The following KRI1 variants were observed in gnomAD, a reference collection of about 807,000 sequenced individuals.
KRI1 encodes the protein KRI1 homolog, also known as protein KRI1 homolog.
A neutral mutation model predicts 97.0 loss-of-function variants in KRI1; 83 were observed. That is an observed-to-expected ratio of 0.86 (90% CI 0.72 to 1.03). The LOEUF (loss-of-function observed/expected upper bound fraction) is 1.03. Ranked by LOEUF, KRI1 falls within the 50% of genes least tolerant of loss-of-function variation. The probability of loss-of-function intolerance (pLI) is 0.00; values close to 1 mark genes in which losing one functional copy is unlikely to be tolerated. For synonymous variants in KRI1, 371 were observed against 363.5 expected, an observed-to-expected ratio of 1.02 and a Z score of -0.23; for missense variants, 916 against 928.4, an observed-to-expected ratio of 0.99 and a Z score of 0.17.
chr19:10,564,865 T>C (rs1916812212), intron 3 of KRI1, 64 bp downstream of exon 3: 2 of 1,022,046 alleles, frequency 2.0e-6, no homozygotes, highest in Non-Finnish European at 3.1e-6. Context: ...GAATCCACAG[T>C]CAGGAAAGGA....
chr19:10,553,139 G>A lies in KRI1; in HGVS notation c.*812C>T. 6.8e-7 allele frequency: 1 copy of A among 1,472,922 alleles called. No homozygotes were observed. Among genetic ancestry groups the A allele is most frequent in the Admixed American group, 2.2e-5 (1 of 44,986 alleles). 91.2% of individuals were successfully genotyped at this position (1,472,922 alleles called of 1,614,324 possible). ...TATGTCATGTCGGGTGTGGGATCTT[G>A]AGCTCTGGCAGTGATGATGGTACTT... On this transcript the variant is annotated 3_prime_UTR_variant, in exon 19 of 19. Coordinates refer to ENST00000312962, the MANE Select transcript of KRI1 (RefSeq NM_023008.5).
rs367563078 is a variant in KRI1 at position 10,559,549 on chromosome 19, G to A, written c.1024-20C>T. ...TTTCTCCTGCAGGCCCAGGCAGAGA[G>A]GGGGAGGGCATGGGCTTTCCTCCAG... On this transcript the variant is annotated intron_variant, in intron 11 of 18. Coordinates refer to ENST00000312962, the MANE Select transcript of KRI1 (RefSeq NM_023008.5). 1.7e-5 allele frequency: 27 copies of A among 1,613,742 alleles called. No individual in the cohort carries two copies. The African/African-American group carries it at 2.1e-4, about 13-fold the overall frequency.
In KRI1 at chr19:10,565,984, C is replaced by T. The variant is rs1283951561; in HGVS notation, c.16G>A (p.Gly6Arg). The T allele has an allele frequency of 3.3e-6, 5 of 1,522,786 alleles. No individual in the cohort carries two copies. The highest frequency in any genetic ancestry group is 2.4e-5 in the South Asian group (2 of 82,304). 94.3% of individuals were successfully genotyped at this position (1,522,786 alleles called of 1,614,324 possible). A position where few individuals can be genotyped will look rare whatever the true frequency, so the allele number is the denominator to read the frequency against. Residue 6 changes from glycine to arginine, a missense_variant, in exon 1 of 19, where the codon GGG (glycine) becomes AGG (arginine). Physicochemically the swap from Gly to Arg is moderately radical, Grantham distance 125 (BLOSUM62 -2). Transcript: ENST00000312962. ...GCGTTCACCCGCAGCTGCGACGACC[C>T]GCGCGGTTCCGGCATGGCGGTTCTG... MPEPR[G>R]SSQLRVNAAF...
In KRI1 at chr19:10,560,256, G is replaced by T. The variant is rs1216025610; in HGVS notation, c.800+56C>A. On this transcript the variant is annotated intron_variant, in intron 9 of 18. Coordinates refer to ENST00000312962, the MANE Select transcript of KRI1 (RefSeq NM_023008.5). ...CTGCCTCCTGGCCAGTGCCGCCTGG[G>T]AATACTTCATGAAGCGCACCCAAAA... The T allele has an allele frequency of 2.0e-6, 3 of 1,527,310 alleles. No individual in the cohort carries two copies. In the South Asian group the frequency reaches 3.7e-5, roughly 19 times the overall value. The allele number at this position is 1,527,310 out of a possible 1,614,324, so 94.6% of individuals were successfully genotyped here. A position where few individuals can be genotyped will look rare whatever the true frequency, so the allele number is the denominator to read the frequency against.
In KRI1 at chr19:10,561,309, CCT is replaced by C. The variant is rs768799645; in HGVS notation, c.489-46_489-45del. On this transcript the variant is annotated intron_variant, in intron 6 of 18. Coordinates refer to ENST00000312962, the MANE Select transcript of KRI1 (RefSeq NM_023008.5). ...AAGCCTCAGGACAGGCAGGCTGGCC[CCT>C]GTCTGCTGCCCCAGTATTTATTTTA... 4.9e-4 allele frequency: 750 copies of C among 1,535,756 alleles called. 8 individuals are homozygous for C. Among genetic ancestry groups the C allele is most frequent in the Admixed American group, 3.8e-3 (230 of 59,834 alleles).
At position 10,557,643 on chromosome 19, in the gene KRI1, C is replaced by A. The variant is rs757405353; in HGVS notation, c.1526G>T (p.Arg509Leu). ...GTCGATGATGTCCTCGTAGTCCAGC[C>A]GGTAATACTCATCCAGGTACTCCTC... is the stretch of plus-strand genomic sequence containing the variant. ...TFEEYLDEYYRLDYEDIIDDL... is the reference protein window; with the variant it reads ...TFEEYLDEYYLLDYEDIIDDL... Residue 509 changes from arginine to leucine, a missense_variant, in exon 16 of 19, where the codon CGG (arginine) becomes CTG (leucine). Coordinates refer to ENST00000312962, the MANE Select transcript of KRI1 (RefSeq NM_023008.5). 6.2e-7 allele frequency: 1 copy of A among 1,614,164 alleles called. No homozygotes were observed. The highest frequency in any genetic ancestry group is 1.1e-5 in the South Asian group (1 of 91,088).
In KRI1 at chr19:10,561,725, A is replaced by C; in HGVS notation, c.439-9T>G. ...CTTTGCGACGATGTCTCCTGCAGAG[A>C]GGGCCATAGGTCTCAGGCCAGCCCC... is the stretch of plus-strand genomic sequence containing the variant. On this transcript the variant is annotated splice_polypyrimidine_tract_variant and intron_variant, in intron 5 of 18. Transcript: ENST00000312962. 6.2e-7 allele frequency: 1 copy of C among 1,613,920 alleles called. No homozygotes were observed. The highest frequency in any genetic ancestry group is 1.3e-5 in the African/African-American group (1 of 74,944).
At chr19:10,561,548 TAACTGATGAGGA>T in intron 6 of KRI1, 107 bp downstream of exon 6, 1 of 1,023,040 alleles carries the variant, frequency 9.8e-7, no homozygotes, top group Non-Finnish European at 1.5e-6. Context: ...TAACCCCGTT[TAACTGATGAGGA>T]AACTGAAGCA....
rs112423987 is a variant in KRI1 at position 10,557,684 on chromosome 19, T to G, written c.1487-2A>C. 6.2e-7 allele frequency: 1 copy of G among 1,614,190 alleles called. No homozygotes were observed. Among genetic ancestry groups the G allele is most frequent in the South Asian group, 1.1e-5 (1 of 91,088 alleles). On this transcript the variant is annotated splice_acceptor_variant, in intron 15 of 18. Transcript: ENST00000312962. LOFTEE classifies it high-confidence loss of function. ...GGTACTCCTCGAACGTCTTGTCCCC[T>G]GCTCGAGACAGAGCCAGGCTGCTGG...
chr19:10,559,821 C>G lies in KRI1; in HGVS notation c.916G>C (p.Asp306His), dbSNP rs1798895604. The G allele has an allele frequency of 6.2e-7, 1 of 1,613,800 alleles. No homozygotes were observed. Among genetic ancestry groups the G allele is most frequent in the East Asian group, 2.2e-5 (1 of 44,878 alleles). Residue 306 changes from aspartate (D) to histidine (H), a missense_variant, in exon 10 of 19, where the codon GAC becomes CAC. Physicochemically the swap from Asp to His is moderately conservative, Grantham distance 81 (BLOSUM62 -1). Coordinates refer to ENST00000312962, the MANE Select transcript of KRI1 (RefSeq NM_023008.5). ...CCCCAGCCACACACCGATGCTGAGT[C>G]CGGCTCCTCGAAACGGAAATTGTAC... is the stretch of plus-strand genomic sequence containing the variant. The part of the protein sequence containing the change: ...QKYNFRFEEP[D>H]SASVKTYPRS...
At chr19:10,562,514 T>G (rs1916731903) in intron 4 of KRI1, among the ~76,000 whole-genome samples, 1 of 150,340 alleles carries the variant, frequency 6.7e-6, no homozygotes, top group African/African-American at 2.5e-5. Flanking sequence ...AATTTTTAAT[T>G]TTTTTGTAGA....
Position 10,554,083 on chromosome 19 carries a change from G to A in KRI1, c.1980C>T (p.Pro660=), listed in dbSNP as rs1386229992. 1.9e-6 allele frequency: 3 copies of A among 1,614,200 alleles called. No homozygotes were observed. The highest frequency in any genetic ancestry group is 2.5e-6 in the Non-Finnish European group (3 of 1,180,040). The change falls in exon 19 of 19, where the codon CCC becomes CCT. Residue 660 remains proline, a synonymous_variant. Coordinates refer to ENST00000312962, the MANE Select transcript of KRI1 (RefSeq NM_023008.5). The stretch of plus-strand genomic sequence containing the variant: ...ACTCGCATCCACCAAGCATCACAGT[G>A]GGGCCCAGCAGCCGTGCCTTCTTGG... ...RRAKKARLLG[P]TVMLGGCEFS...
At chr19:10,561,891 G>A (rs534823151) in intron 4 of KRI1, 46 bp from the exon 5 acceptor site, 26 of 1,574,516 alleles carry the variant, frequency 1.7e-5, no homozygotes, top group East Asian at 6.7e-5. Flanking sequence ...TCCAGGGCCC[G>A]CCTGTCCCCA....
In KRI1 at chr19:10,557,886, C is replaced by T. The variant is rs144833930; in HGVS notation, c.1369G>A (p.Asp457Asn). 2.7e-5 allele frequency: 43 copies of T among 1,613,334 alleles called. No homozygotes were observed. In the African/African-American group the frequency reaches 3.2e-4, roughly 12 times the overall value. The change falls in exon 15 of 19, where the codon GAC becomes AAC. Residue 457 changes from aspartate (D) to asparagine (N), a missense_variant. By Grantham distance (23) the Asp-to-Asn change is conservative. Around this residue, in one of 3 missense-constraint regions of KRI1, gnomAD observed 672 missense variants for 667.2 expected, o/e 1.01. Coordinates refer to ENST00000312962, the MANE Select transcript of KRI1 (RefSeq NM_023008.5). ...TTCCTCGGCTGGCTGGGGTCGTAGT[C>T]GGCGTCCATCTGCCAGGACGCACAG... The part of the protein sequence containing the change: ...CEDPNFNMDA[D>N]YDPSQPRKKK...
chr19:10,556,831 A>C (rs2144716424), intron 16 of KRI1, among the ~76,000 whole-genome samples: 1 of 148,472 alleles, frequency 6.7e-6, no homozygotes, highest in Admixed American at 6.8e-5. Flanking sequence ...ATCTGTACAA[A>C]AAATATTTTT....
In KRI1 at chr19:10,554,061, C is replaced by T. The variant is rs772246300; in HGVS notation, c.2002G>A (p.Glu668Lys). The part of the protein sequence containing the change: ...LGPTVMLGGC[E>K]FSRQRLQAFG... ...GCCTGCAGTCTCTGGCGGCTGAACT[C>T]GCATCCACCAAGCATCACAGTGGGG... Residue 668 changes from glutamate to lysine, a missense_variant, in exon 19 of 19, where the codon GAG (glutamate) becomes AAG (lysine). This residue lies in a region of KRI1 where 672 missense variants were observed against 667.2 expected (regional missense o/e 1.01). Transcript: ENST00000312962. 1.9e-5 allele frequency: 31 copies of T among 1,614,030 alleles called. No homozygotes were observed. In the East Asian group the frequency reaches 5.1e-4, roughly 27 times the overall value.
Position 10,557,755 on chromosome 19 carries a change from C to T in KRI1, c.1486+14G>A. On this transcript the variant is annotated intron_variant, in intron 15 of 18. Transcript: ENST00000312962. ...GCCCCCTGCCTACCCACGGCCTGCC[C>T]ACCTGGGCCTCACCGGGTTCAAACA... is the stretch of plus-strand genomic sequence containing the variant. 1 of 1,613,520 alleles carries T rather than the reference C, an allele frequency of 6.2e-7. No individual in the cohort carries two copies. Among genetic ancestry groups the T allele is most frequent in the Non-Finnish European group, 8.5e-7 (1 of 1,179,724 alleles).
rs1304964943 is a variant in KRI1, at chr19:10,557,983, G to T, written c.1348C>A (p.Pro450Thr). The T allele has an allele frequency of 6.2e-7, 1 of 1,614,054 alleles. No individual in the cohort carries two copies. Among genetic ancestry groups the T allele is most frequent in the South Asian group, 1.1e-5 (1 of 91,086 alleles). The change falls in exon 14 of 19, where the codon CCC becomes ACC. Residue 450 changes from proline to threonine, a missense_variant. This residue lies in a region of KRI1 where 672 missense variants were observed against 667.2 expected (regional missense o/e 1.01). Coordinates refer to ENST00000312962, the MANE Select transcript of KRI1 (RefSeq NM_023008.5). ...WSQQELHCED[P>T]NFNMDADYDP... is the part of the protein sequence containing the mutation. ...CCCGTGATACCTACGTTGAAGTTGG[G>T]GTCCTCACAGTGCAGCTCCTGCTGG... is the stretch of plus-strand genomic sequence containing the variant.
intron 2 of KRI1, chr19:10,565,363 A>G: frequency 1.9e-6 from 1 of 524,728 alleles, no homozygotes; most frequent in Non-Finnish European, 3.4e-6. Flanking sequence ...CAGTGGGGCC[A>G]GGATCAGGGC....
Sources: allele counts gnomAD v4.1 joint callset (sites outside exome capture counted in the v4.1 genomes callset), GRCh38; gene constraint gnomAD v4.1.1; regional missense constraint gnomAD v4.1.1; transcripts MANE v1.5; gene names NCBI Gene and HGNC (gene_info 2026-07-23, HGNC 2026-07-21).